Variants in ZC3H13 observed in about 807,000 individuals in gnomAD.
The protein encoded by ZC3H13 is zinc finger CCCH-type containing 13.
Under a neutral mutation model 204.1 loss-of-function variants are expected in ZC3H13, and 64 were observed. The ratio of observed to expected loss-of-function variants is 0.31; its 90% CI spans 0.26 to 0.39. The LOEUF (loss-of-function observed/expected upper bound fraction) is 0.39. ZC3H13 is among the 10% of genes least tolerant of loss of function. ZC3H13 has a pLI of 1.00. For synonymous variants in ZC3H13, 667 were observed against 693.7 expected, an observed-to-expected ratio of 0.96 and a Z score of 0.60; for missense variants, 1,833 against 2,082.7, an observed-to-expected ratio of 0.88 and a Z score of 2.33.
At chr13:46,017,990 C>A (rs112348534) in intron 5 of ZC3H13, among the ~76,000 whole-genome samples, 1 of 152,026 alleles carries the variant, frequency 6.6e-6, no homozygotes, top group African/African-American at 2.4e-5. Context: ...GAAATAAAAT[C>A]ACTTTAGATT....
At chr13:46,003,671 G>A (rs2040915816) in intron 7 of ZC3H13, among the ~76,000 whole-genome samples, 1 of 151,978 alleles carries the variant, frequency 6.6e-6, no homozygotes, top group African/African-American at 2.4e-5. Flanking sequence ...AGTAGACAAA[G>A]AAAGTAAAAA....
At position 45,965,313 on chromosome 13, in the gene ZC3H13, T is replaced by G. The variant is rs1951992580; in HGVS notation, c.4441A>C (p.Arg1481=). Reference sequence around the variant, plus strand: ...TTCTCCTCATCCTGTTGGTCCTCCCTCTTTTCTGCATCACCTGCCAGAATT... The same window carrying G: ...TTCTCCTCATCCTGTTGGTCCTCCCGCTTTTCTGCATCACCTGCCAGAATT... The part of the protein sequence containing the change: ...DEILAGDAEK[R]EDQQDEEKMP... The change falls in exon 16 of 19, where the codon AGG becomes CGG. Residue 1481 remains arginine, a synonymous_variant. Transcript: ENST00000679008. 6.2e-7 allele frequency: 1 copy of G among 1,613,606 alleles called. No individual in the cohort carries two copies. The highest frequency in any genetic ancestry group is 1.3e-5 in the African/African-American group (1 of 74,918).
chr13:46,052,327 G>C (rs2274382), intron 1 of ZC3H13, 77 bp downstream of exon 1: 38 of 390,388 alleles, frequency 9.7e-5, no homozygotes, highest in South Asian at 2.9e-4. Flanking sequence ...AGACGGGGGG[G>C]GGTAACCCGG....
intron 7 of ZC3H13, among the ~76,000 whole-genome samples, chr13:46,008,423 G>T (rs1045510159): frequency 6.6e-6 from 1 of 151,378 alleles, no homozygotes; most frequent in South Asian, 2.1e-4. Flanking sequence ...TTAAATTAAC[G>T]GTGCATCGTA....
chr13:46,013,389 G>C (rs2041702826), intron 5 of ZC3H13, among the ~76,000 whole-genome samples: 2 of 149,280 alleles, frequency 1.3e-5, no homozygotes, highest in African/African-American at 4.9e-5. Context: ...ACTCCAGCCT[G>C]ACAACAGAGC....
intron 9 of ZC3H13, among the ~76,000 whole-genome samples, chr13:45,987,819 CAG>C (rs1239849222): frequency 1.3e-5 from 2 of 152,098 alleles, no homozygotes; most frequent in Non-Finnish European, 2.9e-5. Flanking sequence ...AGTTAGAAAA[CAG>C]ACTTATTAAG....
At chr13:45,998,390 C>A (rs551170444) in intron 8 of ZC3H13, among the ~76,000 whole-genome samples, 1 of 152,070 alleles carries the variant, frequency 6.6e-6, no homozygotes, top group South Asian at 2.1e-4. Flanking sequence ...TCACACCTGT[C>A]ATCCCAGCAC....
intron 1 of ZC3H13, among the ~76,000 whole-genome samples, chr13:46,051,103 T>C (rs965378094): frequency 2.6e-5 from 4 of 152,196 alleles, no homozygotes; most frequent in Admixed American, 1.3e-4. Context: ...TAAATGCCAA[T>C]GCATATTATA....
chr13:46,020,438 C>T lies in ZC3H13; in HGVS notation c.448+11G>A, dbSNP rs752537529. On this transcript the variant is annotated intron_variant, in intron 5 of 18. Transcript: ENST00000679008. ...AGAATTCGCCATTTAAACCAAGATT[C>T]TGAAACTCACCATCTCTATTAGTTT... The T allele has an allele frequency of 1.9e-6, 3 of 1,594,062 alleles. No individual in the cohort carries two copies. In the African/African-American group the frequency reaches 4.0e-5, roughly 21 times the overall value.
chr13:46,001,305 A>G (rs1315233864), intron 8 of ZC3H13: 1 of 152,150 alleles, frequency 6.6e-6, no homozygotes, highest in Non-Finnish European at 1.5e-5. Context: ...AGACAAATGA[A>G]AATAACAGCC....
chr13:46,036,793 A>G (rs973816852), intron 4 of ZC3H13, among the ~76,000 whole-genome samples: 1 of 152,100 alleles, frequency 6.6e-6, no homozygotes, highest in Non-Finnish European at 1.5e-5. Flanking sequence ...ATCTCAGCTC[A>G]CTGCAACCTC....
At chr13:45,983,057 C>A (rs55819431) in intron 10 of ZC3H13, among the ~76,000 whole-genome samples, 2,228 of 152,074 alleles carry the variant, frequency 0.015, 20 homozygotes, top group South Asian at 0.053. Flanking sequence ...AATGACAGAA[C>A]AAACAGACTA....
chr13:45,979,483 A>G lies in ZC3H13; in HGVS notation c.1912+330T>C, dbSNP rs531286947. Among the ~76,000 whole-genome samples, 4 of 152,202 alleles carry G rather than the reference A, an allele frequency of 2.6e-5. No homozygotes were observed. In the East Asian group the frequency reaches 7.7e-4, roughly 29 times the overall value. On this transcript the variant is annotated intron_variant, in intron 11 of 18. Transcript: ENST00000679008. ...GATACTCAGATGTAAAGGTTTAGGT[A>G]TTTCTTGAATCAGAATTGCCTGGAA... is the stretch of plus-strand genomic sequence containing the variant.
At chr13:46,028,306 A>T (rs960059102) in intron 4 of ZC3H13, among the ~76,000 whole-genome samples, 1 of 152,228 alleles carries the variant, frequency 6.6e-6, no homozygotes, top group Non-Finnish European at 1.5e-5. Context: ...TGACCCTACC[A>T]TCAAAGCATC....
intron 8 of ZC3H13, among the ~76,000 whole-genome samples, chr13:45,998,311 C>T (rs1173163807): frequency 6.6e-6 from 1 of 152,040 alleles, no homozygotes; most frequent in Admixed American, 6.6e-5. Context: ...GTTATGTTTA[C>T]ACTATACTGT....
chr13:46,016,671 C>T (rs2041925085), intron 5 of ZC3H13, among the ~76,000 whole-genome samples: 1 of 152,092 alleles, frequency 6.6e-6, no homozygotes, highest in African/African-American at 2.4e-5. Context: ...CAAATGTGTT[C>T]AGTCTGTGAA....
intron 4 of ZC3H13, among the ~76,000 whole-genome samples, chr13:46,029,728 G>A (rs975697992): frequency 6.6e-6 from 1 of 152,022 alleles, no homozygotes; most frequent in Non-Finnish European, 1.5e-5. Context: ...GCGCCCGGCC[G>A]AGATGGACTA....
intron 15 of ZC3H13, 106 bp from the exon 16 acceptor site, chr13:45,965,538 A>G: frequency 9.7e-7 from 1 of 1,027,086 alleles, no homozygotes; most frequent in Non-Finnish European, 1.3e-6. Flanking sequence ...TGTGAAAAAC[A>G]TCTTTTCATC....
intron 4 of ZC3H13, among the ~76,000 whole-genome samples, chr13:46,041,164 T>C (rs1057512075): frequency 1.3e-5 from 2 of 151,954 alleles, no homozygotes; most frequent in Non-Finnish European, 2.9e-5. Context: ...AGTCAAAAAG[T>C]AGAAAAAGCC....
Sources: gnomAD v4.1 joint callset for allele counts (sites outside exome capture counted in the v4.1 genomes callset) on GRCh38, gnomAD v4.1.1 for gene constraint, MANE v1.5 for transcripts, NCBI Gene and HGNC (gene_info 2026-07-23, HGNC 2026-07-21) for gene names.